Variants in ENTREP2 observed in about 807,000 individuals in gnomAD.
The protein encoded by ENTREP2 is protein ENTREP2.
the ENTREP2 span, among the ~76,000 whole-genome samples, chr15:29,428,131 G>C: frequency 6.6e-6 from 1 of 152,140 alleles, no homozygotes; most frequent in African/African-American, 2.4e-5. Context: ...AAAAATACAA[G>C]TCAAACCCAA....
At chr15:29,164,027 A>G in the ENTREP2 span, among the ~76,000 whole-genome samples, 182 of 152,374 alleles carry the variant, frequency 1.2e-3, no homozygotes, top group African/African-American at 4.1e-3. Context: ...TCCTCAAACA[A>G]AACGATTATC....
the ENTREP2 span, among the ~76,000 whole-genome samples, chr15:29,328,891 T>C: frequency 1.3e-5 from 2 of 152,198 alleles, no homozygotes. Context: ...TATACACTCA[T>C]ATACAGTCGT....
chr15:29,355,951 A>G, the ENTREP2 span, among the ~76,000 whole-genome samples: 1 of 152,162 alleles, frequency 6.6e-6, no homozygotes, highest in Non-Finnish European at 1.5e-5. Flanking sequence ...CACAGAATAA[A>G]AAATGCTAAT....
At chr15:29,451,648 C>A in the ENTREP2 span, among the ~76,000 whole-genome samples, 5,576 of 152,290 alleles carry the variant, frequency 0.037, 137 homozygotes, top group South Asian at 0.11. Flanking sequence ...ACGGGAGGGT[C>A]TTCACTATCA....
At chr15:29,637,321 G>A in the ENTREP2 span, among the ~76,000 whole-genome samples, 1 of 152,180 alleles carries the variant, frequency 6.6e-6, no homozygotes, top group Non-Finnish European at 1.5e-5. Context: ...TCACCTGGGA[G>A]GACATCATAA....
the ENTREP2 span, among the ~76,000 whole-genome samples, chr15:29,561,962 C>T: frequency 1.3e-5 from 2 of 152,176 alleles, no homozygotes; most frequent in Non-Finnish European, 2.9e-5. Flanking sequence ...AGGTGAATAT[C>T]GCCAATGGTG....
the ENTREP2 span, among the ~76,000 whole-genome samples, chr15:29,251,080 A>C: frequency 1.3e-5 from 2 of 152,168 alleles, no homozygotes; most frequent in African/African-American, 4.8e-5. Flanking sequence ...TGTGAATCCA[A>C]ACAACATGGT....
the ENTREP2 span, among the ~76,000 whole-genome samples, chr15:29,571,509 T>G: frequency 6.6e-6 from 1 of 152,140 alleles, no homozygotes; most frequent in African/African-American, 2.4e-5. Flanking sequence ...AGTTCGAGAA[T>G]CTCCCAAGCC....
the ENTREP2 span, among the ~76,000 whole-genome samples, chr15:29,215,638 C>G: frequency 6.6e-6 from 1 of 151,654 alleles, no homozygotes; most frequent in Admixed American, 6.6e-5. Context: ...GACTAACACA[C>G]CATTATACAA....
At chr15:29,171,801 T>G in the ENTREP2 span, among the ~76,000 whole-genome samples, 1 of 152,080 alleles carries the variant, frequency 6.6e-6, no homozygotes, top group Non-Finnish European at 1.5e-5. Flanking sequence ...AAGAAAAAGA[T>G]CAGCAACTTT....
the ENTREP2 span, among the ~76,000 whole-genome samples, chr15:29,253,206 A>C: frequency 6.6e-6 from 1 of 152,224 alleles, no homozygotes; most frequent in African/African-American, 2.4e-5. Flanking sequence ...AAGCAGGTCC[A>C]TGTGGTACAA....
chr15:29,664,681 A>G, the ENTREP2 span, among the ~76,000 whole-genome samples: 1 of 152,020 alleles, frequency 6.6e-6, no homozygotes. Flanking sequence ...GGGTTTTGTG[A>G]TAGTTATAAC....
the ENTREP2 span, among the ~76,000 whole-genome samples, chr15:29,225,181 A>G: frequency 6.6e-6 from 1 of 152,212 alleles, no homozygotes; most frequent in Non-Finnish European, 1.5e-5. Flanking sequence ...TGGCCAGCCC[A>G]GAAAGGGGCT....
At chr15:29,664,767 T>C in the ENTREP2 span, among the ~76,000 whole-genome samples, 4 of 152,350 alleles carry the variant, frequency 2.6e-5, no homozygotes, top group South Asian at 4.1e-4. Flanking sequence ...CTTTGTCTTT[T>C]GATACTTATC....
At chr15:29,340,945 A>G in the ENTREP2 span, among the ~76,000 whole-genome samples, 2 of 152,140 alleles carry the variant, frequency 1.3e-5, no homozygotes, top group South Asian at 2.1e-4. Flanking sequence ...TCCATTTACT[A>G]TTTCACTTAT....
chr15:29,644,189 A>C, the ENTREP2 span, among the ~76,000 whole-genome samples: 1 of 152,126 alleles, frequency 6.6e-6, no homozygotes, highest in African/African-American at 2.4e-5. Flanking sequence ...GTTCCAAAAG[A>C]CCATATGTTC....
chr15:29,187,997 T>C, the ENTREP2 span, among the ~76,000 whole-genome samples: 576 of 152,268 alleles, frequency 3.8e-3, 2 homozygotes, highest in African/African-American at 0.013. Flanking sequence ...CACATACTGG[T>C]CCAGGGATGG....
the ENTREP2 span, among the ~76,000 whole-genome samples, chr15:29,572,466 C>T: frequency 1.8e-4 from 28 of 152,252 alleles, no homozygotes; most frequent in East Asian, 3.9e-4. Flanking sequence ...TGATCATCTC[C>T]CCCATTCATT....
the ENTREP2 span, among the ~76,000 whole-genome samples, chr15:29,202,390 G>A: frequency 1.3e-5 from 2 of 151,420 alleles, no homozygotes; most frequent in African/African-American, 4.9e-5. Context: ...CATATTTATG[G>A]GGTACAGTGT....
Sources: gnomAD v4.1 joint callset for allele counts (sites outside exome capture counted in the v4.1 genomes callset) on GRCh38, gnomAD v4.1.1 for gene constraint, MANE v1.5 for transcripts, NCBI Gene and HGNC (gene_info 2026-07-23, HGNC 2026-07-21) for gene names.